The following CAMSAP2 variants were observed in gnomAD, a reference collection of about 807,000 sequenced individuals.
CAMSAP2 encodes the protein calmodulin-regulated spectrin-associated protein 2.
Under a neutral mutation model 146.1 loss-of-function variants are expected in CAMSAP2, and 26 were observed. That is an observed-to-expected ratio of 0.18 (90% CI 0.13 to 0.25). CAMSAP2 has a LOEUF of 0.25. Ranked by LOEUF, CAMSAP2 falls within the 10% of genes least tolerant of loss-of-function variation. CAMSAP2 has a pLI of 1.00. For missense variants in CAMSAP2, 1,381 were observed against 1,759.3 expected, an observed-to-expected ratio of 0.78 and a Z score of 3.85; for synonymous variants, 499 against 596.6, an observed-to-expected ratio of 0.84 and a Z score of 2.38.
rs1474642261 is a variant in CAMSAP2 at position 200,847,669 on chromosome 1, T to C, written c.1222T>C (p.Tyr408His). 6.2e-7 allele frequency: 1 copy of C among 1,612,930 alleles called. No homozygotes were observed. Among genetic ancestry groups the C allele is most frequent in the Non-Finnish European group, 8.5e-7 (1 of 1,179,312 alleles). The change falls in exon 10 of 17, where the codon TAT becomes CAT. Residue 408 changes from tyrosine to histidine, a missense_variant. Tyr to His is a moderately conservative substitution (Grantham distance 83). This residue lies in a region of CAMSAP2 where 447 missense variants were observed against 462.2 expected (regional missense o/e 0.97). Coordinates refer to ENST00000358823, the MANE Select transcript of CAMSAP2 (RefSeq NM_203459.4). ...GGIRRSSSMS[Y>H]VDGFIGTWPK... The stretch of plus-strand genomic sequence containing the variant: ...AATTAGAAGGTCTTCATCTATGTCT[T>C]ATGTTGATGGCTTCATAGGGACATG...
At chr1:200,755,590 A>G (rs924080714) in intron 1 of CAMSAP2, among the ~76,000 whole-genome samples, 4 of 152,204 alleles carry the variant, frequency 2.6e-5, no homozygotes, top group Admixed American at 6.5e-5. Context: ...GCTGTACCAC[A>G]CTTACCATGT....
In CAMSAP2 at chr1:200,816,665, CAT is replaced by C. The variant is rs200153967; in HGVS notation, c.645+1022_645+1023del. On this transcript the variant is annotated intron_variant, in intron 4 of 16. Coordinates refer to ENST00000358823, the MANE Select transcript of CAMSAP2 (RefSeq NM_203459.4). ...ACACATATATATGCACACACATACA[CAT>C]GTGTATATGTGTGTATATGTACATG... Among the ~76,000 whole-genome samples, 471 of 141,966 alleles carry C rather than the reference CAT, an allele frequency of 3.3e-3. 32 individuals are homozygous for C. The highest frequency in any genetic ancestry group is 8.3e-3 in the Middle Eastern group (2 of 242). 93.1% of individuals were successfully genotyped at this position (141,966 alleles called of 152,430 possible).
chr1:200,754,845 G>A lies in CAMSAP2; in HGVS notation c.140-5994G>A, dbSNP rs191917861. 3.9e-5 allele frequency among the ~76,000 whole-genome samples: 6 copies of A among 152,242 alleles called. No homozygotes were observed. The East Asian group carries it at 9.6e-4, about 24-fold the overall frequency. ...GATCTGCCTGCCTCGGCCTCCCAAA[G>A]TGCTGGGATTACAGGCGTGAGCCAC... On this transcript the variant is annotated intron_variant, in intron 1 of 16. Transcript: ENST00000358823.
At chr1:200,747,676 GTGTGGAT>G (rs1197927560) in intron 1 of CAMSAP2, among the ~76,000 whole-genome samples, 2 of 150,898 alleles carry the variant, frequency 1.3e-5, no homozygotes, top group Non-Finnish European at 3.0e-5. Flanking sequence ...CCTTGTTGAT[GTGTGGAT>G]TTCATTCTCA....
At chr1:200,763,408 G>A (rs1463519042) in intron 2 of CAMSAP2, among the ~76,000 whole-genome samples, 1 of 151,870 alleles carries the variant, frequency 6.6e-6, no homozygotes, top group East Asian at 1.9e-4. Context: ...ATGTGGTAGT[G>A]CGCGCCTGTA....
At chr1:200,825,819 T>C in intron 4 of CAMSAP2, among the ~76,000 whole-genome samples, 1 of 152,204 alleles carries the variant, frequency 6.6e-6, no homozygotes, top group South Asian at 2.1e-4. Flanking sequence ...CATTATTTCT[T>C]AAAGCAGCAT....
At chr1:200,749,181 C>G (rs1664429603) in intron 1 of CAMSAP2, among the ~76,000 whole-genome samples, 1 of 152,216 alleles carries the variant, frequency 6.6e-6, no homozygotes, top group Non-Finnish European at 1.5e-5. Flanking sequence ...CTGCATTAGC[C>G]TTCTCTGCTG....
chr1:200,826,856 T>C (rs1324478071), intron 4 of CAMSAP2, among the ~76,000 whole-genome samples: 1 of 152,174 alleles, frequency 6.6e-6, no homozygotes, highest in Non-Finnish European at 1.5e-5. Flanking sequence ...CTTTGTTTCT[T>C]GCCTGGTGGT....
chr1:200,830,680 C>G (rs1667020068), intron 4 of CAMSAP2, among the ~76,000 whole-genome samples: 1 of 152,120 alleles, frequency 6.6e-6, no homozygotes, highest in African/African-American at 2.4e-5. Flanking sequence ...TGTTTCTTAG[C>G]TGCAAAGTGA....
At position 200,739,846 on chromosome 1, in the gene CAMSAP2, C is replaced by G. The variant is rs1206070013; in HGVS notation, c.19C>G (p.Pro7Ala). MGDAAD[P>A]REMRKTFIVP... Reference sequence around the variant, plus strand: ...GTGAAAGATGGGGGATGCTGCAGACCCCAGGGAGATGAGAAAGACGTTCAT... The same window carrying G: ...GTGAAAGATGGGGGATGCTGCAGACGCCAGGGAGATGAGAAAGACGTTCAT... Residue 7 changes from proline to alanine, a missense_variant, in exon 1 of 17, where the codon CCC becomes GCC. Physicochemically the swap from Pro to Ala is conservative, Grantham distance 27. Around this residue, in one of 4 missense-constraint regions of CAMSAP2, gnomAD observed 284 missense variants for 406.9 expected, o/e 0.70. Transcript: ENST00000358823. This position sits in a 1 kb window ranked among gnomAD's most constrained non-coding sequence, Gnocchi z 4.8. The G allele has an allele frequency of 6.2e-7, 1 of 1,613,924 alleles. No homozygotes were observed. The highest frequency in any genetic ancestry group is 1.1e-5 in the South Asian group (1 of 91,066).
intron 1 of CAMSAP2, among the ~76,000 whole-genome samples, chr1:200,748,783 T>C (rs984814160): frequency 6.6e-6 from 1 of 152,070 alleles, no homozygotes; most frequent in Non-Finnish European, 1.5e-5. Context: ...TGGTATACTT[T>C]ATACGTGGTG....
At chr1:200,750,648 G>C (rs905645355) in intron 1 of CAMSAP2, among the ~76,000 whole-genome samples, 10 of 147,362 alleles carry the variant, frequency 6.8e-5, no homozygotes, top group African/African-American at 2.5e-4. Flanking sequence ...TTTTGAGACA[G>C]AGTTTCGCTC....
chr1:200,773,463 G>C (rs1042254463), intron 2 of CAMSAP2, among the ~76,000 whole-genome samples: 13 of 152,020 alleles, frequency 8.6e-5, no homozygotes, highest in Non-Finnish European at 1.3e-4. Context: ...CGCCATGTTA[G>C]CCAGGCTGGT....
chr1:200,808,049 A>G (rs908904036), intron 3 of CAMSAP2, among the ~76,000 whole-genome samples: 5 of 152,190 alleles, frequency 3.3e-5, no homozygotes, highest in African/African-American at 4.8e-5. Context: ...GCCAATATTT[A>G]TAATTACTCT....
intron 3 of CAMSAP2, among the ~76,000 whole-genome samples, chr1:200,810,019 C>T (rs934310430): frequency 1.3e-5 from 2 of 152,176 alleles, no homozygotes; most frequent in Non-Finnish European, 2.9e-5. Flanking sequence ...AACCCAGTCA[C>T]CTCTTAAAGG....
At chr1:200,777,098 G>T (rs1025982100) in intron 2 of CAMSAP2, among the ~76,000 whole-genome samples, 2 of 152,142 alleles carry the variant, frequency 1.3e-5, no homozygotes, top group Admixed American at 1.3e-4. Flanking sequence ...GAGGGAGTAG[G>T]TCCTGGGCTC....
chr1:200,739,752 C>G lies in CAMSAP2; in HGVS notation c.-76C>G, dbSNP rs747917704. 24 of 1,492,932 alleles carry G rather than the reference C, an allele frequency of 1.6e-5. 1 individual carries two copies. The South Asian group carries it at 3.0e-4, about 19-fold the overall frequency. The allele number at this position is 1,492,932 out of a possible 1,614,324, so 92.5% of individuals were successfully genotyped here. A position where few individuals can be genotyped will look rare whatever the true frequency, so the allele number is the denominator to read the frequency against. ...ATGGTTTGAGCTTGCTTCTCCCTCC[C>G]TCCCGACCCCCGTGGTGGCGAGGCC... On this transcript the variant is annotated 5_prime_UTR_variant, in exon 1 of 17. Transcript: ENST00000358823. The surrounding 1 kb of genome is among the most constrained non-coding windows in gnomAD (Gnocchi z 4.8).
At chr1:200,809,429 C>T (rs926140310) in intron 3 of CAMSAP2, among the ~76,000 whole-genome samples, 2 of 149,566 alleles carry the variant, frequency 1.3e-5, no homozygotes, top group East Asian at 4.4e-4. Flanking sequence ...TGTATTAGTC[C>T]ATTTTCTTCT....
At position 200,805,350 on chromosome 1, in the gene CAMSAP2, T is replaced by TCTTTC. The variant is rs1259496369; in HGVS notation, c.400-2015_400-2011dup. 2.6e-5 allele frequency among the ~76,000 whole-genome samples: 4 copies of TCTTTC among 152,240 alleles called. No individual in the cohort carries two copies. In the East Asian group the frequency reaches 7.7e-4, roughly 29 times the overall value. ...ATAGTAACCAAAAGGCTAGCTTCTT[T>TCTTTC]CTTTCCTTTCCTTTCTTTAGCCCCT... On this transcript the variant is annotated intron_variant, in intron 2 of 16. Transcript: ENST00000358823.
Sources: gnomAD v4.1 joint callset for allele counts (sites outside exome capture counted in the v4.1 genomes callset) on GRCh38, gnomAD v4.1.1 for gene constraint, gnomAD v4.1.1 regional missense constraint, Gnocchi (gnomAD v3.1) non-coding constraint, MANE v1.5 for transcripts, NCBI Gene and HGNC (gene_info 2026-07-23, HGNC 2026-07-21) for gene names.